Variants in RTEL1 observed in about 807,000 individuals in gnomAD.
The protein encoded by RTEL1 is regulator of telomere length.
A neutral mutation model predicts 162.2 loss-of-function variants in RTEL1; 86 were observed. That is an observed-to-expected ratio of 0.53 (90% CI 0.45 to 0.63). The LOEUF (loss-of-function observed/expected upper bound fraction) is 0.63. Ranked by LOEUF, RTEL1 falls within the 30% of genes least tolerant of loss-of-function variation. The pLI, the probability that RTEL1 is intolerant of heterozygous loss-of-function variation, is 0.00. For synonymous variants in RTEL1, 958 were observed against 717.9 expected, an observed-to-expected ratio of 1.33 and a Z score of -5.35; for missense variants, 1,941 against 1,750.2, an observed-to-expected ratio of 1.11 and a Z score of -1.95.
chr20:63,695,426 G>C lies in RTEL1; in HGVS notation c.3598G>C (p.Ala1200Pro). The C allele has an allele frequency of 6.4e-7, 1 of 1,566,762 alleles. No individual in the cohort carries two copies. Among genetic ancestry groups the C allele is most frequent in the Non-Finnish European group, 8.7e-7 (1 of 1,155,384 alleles). Residue 1200 changes from alanine to proline, a missense_variant, in exon 34 of 35, where the codon GCA becomes CCA. Transcript: ENST00000360203. ...AGTVGAGGED[A>P]GPSQSSGPPH... is the part of the protein sequence containing the mutation. ...GACTGTGGGGGCGGGCGGTGAGGAT[G>C]CAGGTCCCAGCCAGTCCTCAGGACC...
chr20:63,690,753 C>T (rs2090719232), intron 26 of RTEL1, 52 bp from the exon 27 acceptor site: 2 of 1,540,966 alleles, frequency 1.3e-6, no homozygotes, highest in Non-Finnish European at 1.7e-6. Flanking sequence ...CAGGCAGGGA[C>T]CCCAGCTGGG....
In RTEL1 at chr20:63,668,318, G is replaced by T. The variant is rs1003678846; in HGVS notation, c.699+765G>T. On this transcript the variant is annotated intron_variant, in intron 8 of 34. Transcript: ENST00000360203. This position sits in a 1 kb window ranked among gnomAD's most constrained non-coding sequence, Gnocchi z 4.3. ...CGTTTCCAGATCCCGTCGTTGGTTC[G>T]CTCATTCTCGGGGTGTATATTTATT... Among the ~76,000 whole-genome samples the T allele has an allele frequency of 1.1e-4, 16 of 152,192 alleles. No homozygotes were observed. The highest frequency in any genetic ancestry group is 2.2e-4 in the Non-Finnish European group (15 of 68,036).
Position 63,683,578 on chromosome 20 carries a change from G to A in RTEL1, c.1192-1945G>A, listed in dbSNP as rs1601149119. ...CAAGTCTCTGTGTTCCAGCCGTGGT[G>A]TCTGCCCCCCGGTGTTCTCTAGTTC... On this transcript the variant is annotated intron_variant, in intron 14 of 34. Transcript: ENST00000360203. Among the ~76,000 whole-genome samples the A allele has an allele frequency of 9.2e-5, 14 of 152,354 alleles. No individual in the cohort carries two copies. The South Asian group carries it at 2.9e-3, about 32-fold the overall frequency.
intron 28 of RTEL1, chr20:63,692,478 C>G: frequency 2.4e-6 from 1 of 414,038 alleles, no homozygotes. Context: ...GCCGCATCCG[C>G]TGTGGGGCAG....
upstream of RTEL1, chr20:63,658,212 A>T (rs907075412): frequency 6.6e-6 from 1 of 152,248 alleles, no homozygotes; most frequent in Non-Finnish European, 1.5e-5. Context: ...AACGCGCAAA[A>T]CGCCGTGTAG....
rs1250038746 is a variant in RTEL1, at chr20:63,695,972, C to T, written c.*114C>T. The T allele has an allele frequency of 9.2e-6, 10 of 1,084,330 alleles. No homozygotes were observed. The highest frequency in any genetic ancestry group is 1.5e-5 in the South Asian group (1 of 65,764). 67.2% of individuals were successfully genotyped at this position (1,084,330 alleles called of 1,614,324 possible). ...GGCCAGCCCATGCCAGCCGGCTTGGCCCGCTGCAGGCCTCAGGCAGGCGGG... is the reference window on the plus strand; with the variant it reads ...GGCCAGCCCATGCCAGCCGGCTTGGTCCGCTGCAGGCCTCAGGCAGGCGGG... On this transcript the variant is annotated 3_prime_UTR_variant, in exon 35 of 35. Transcript: ENST00000360203.
At chr20:63,676,842 G>A (rs996140780) in intron 10 of RTEL1, among the ~76,000 whole-genome samples, 1 of 152,134 alleles carries the variant, frequency 6.6e-6, no homozygotes, top group African/African-American at 2.4e-5. Flanking sequence ...GGCTGAGGCA[G>A]GAGAATCACT....
intron 13 of RTEL1, among the ~76,000 whole-genome samples, 171 bp downstream of exon 13, chr20:63,680,117 G>A (rs1473588715): frequency 6.6e-6 from 1 of 152,234 alleles, no homozygotes. Flanking sequence ...CCACTTGCCA[G>A]CTGCCGTAGA....
chr20:63,678,023 G>T (rs997895091), intron 10 of RTEL1, 122 bp from the exon 11 acceptor site: 8 of 1,128,050 alleles, frequency 7.1e-6, no homozygotes, highest in Non-Finnish European at 1.0e-5. Context: ...CATGGATTCT[G>T]TGTGGCCTCT....
chr20:63,664,305 C>T (rs891472666), intron 6 of RTEL1, among the ~76,000 whole-genome samples: 1 of 152,246 alleles, frequency 6.6e-6, no homozygotes. Context: ...TGGGTGTCCC[C>T]AGTCCCATGC....
chr20:63,692,714 G>A (rs1426478295), intron 28 of RTEL1, 91 bp from the exon 29 acceptor site: 2 of 1,277,630 alleles, frequency 1.6e-6, no homozygotes, highest in East Asian at 2.5e-5. Flanking sequence ...ACTGTCCCAG[G>A]GAACGCTCAA....
rs367703929 is a variant in RTEL1 at position 63,695,062 on chromosome 20, G to A, written c.3344-4G>A. ...GTGCCGGGTCTGATTGAAGCTCCCC[G>A]CAGGGTTCAGCATGTTTGTGCGTCC... On this transcript the variant is annotated splice_polypyrimidine_tract_variant and splice_region_variant and intron_variant, in intron 32 of 34. Coordinates refer to ENST00000360203, the MANE Select transcript of RTEL1 (RefSeq NM_001283009.2). 41 of 1,611,742 alleles carry A rather than the reference G, an allele frequency of 2.5e-5. No homozygotes were observed. Among genetic ancestry groups the A allele is most frequent in the African/African-American group, 1.9e-4 (14 of 74,912 alleles).
intron 16 of RTEL1, 70 bp from the exon 17 acceptor site, chr20:63,687,568 G>C: frequency 6.7e-7 from 1 of 1,482,356 alleles, no homozygotes; most frequent in Non-Finnish European, 9.0e-7. Flanking sequence ...GTGATGGGCA[G>C]AGAGGCAGGT....
At chr20:63,690,480 GCGGAGCGGGCGGC>G in intron 26 of RTEL1, 39 bp downstream of exon 26, 1 of 1,467,280 alleles carries the variant, frequency 6.8e-7, no homozygotes, top group Non-Finnish European at 9.1e-7. Flanking sequence ...TGTGGGGGTG[GCGGAGCGGGCGGC>G]GTGGGGCGGG....
At chr20:63,692,699 C>T (rs1374654860) in intron 28 of RTEL1, 106 bp from the exon 29 acceptor site, 4 of 1,104,398 alleles carry the variant, frequency 3.6e-6, no homozygotes, top group African/African-American at 1.5e-5. Context: ...CCCACCTCGG[C>T]AGTCACTGTC....
chr20:63,672,948 G>A (rs1253813662), intron 9 of RTEL1, among the ~76,000 whole-genome samples: 1 of 152,206 alleles, frequency 6.6e-6, no homozygotes, highest in East Asian at 1.9e-4. Flanking sequence ...CAGCAGGCTT[G>A]TGGTCTTGCC....
chr20:63,680,897 C>G, intron 14 of RTEL1, 178 bp downstream of exon 14: 2 of 984,292 alleles, frequency 2.0e-6, no homozygotes, highest in Non-Finnish European at 2.4e-6. Flanking sequence ...CACTGGGCCT[C>G]CTGCAGGGAT....
chr20:63,669,316 C>G (rs1387845847), intron 8 of RTEL1, among the ~76,000 whole-genome samples: 2 of 152,300 alleles, frequency 1.3e-5, no homozygotes, highest in South Asian at 4.1e-4. Flanking sequence ...AAAAGCTAAA[C>G]TAAAAGTTAT....
chr20:63,681,733 C>T (rs1384315262), intron 14 of RTEL1: 1 of 985,350 alleles, frequency 1.0e-6, no homozygotes, highest in Non-Finnish European at 1.2e-6. Context: ...TGGTGGGGCC[C>T]AGGCTCAGCC....
Sources: allele counts gnomAD v4.1 joint callset (sites outside exome capture counted in the v4.1 genomes callset), GRCh38; gene constraint gnomAD v4.1.1; non-coding constraint Gnocchi (gnomAD v3.1); transcripts MANE v1.5; gene names NCBI Gene and HGNC (gene_info 2026-07-23, HGNC 2026-07-21).